Variants in RUNDC3B observed in about 807,000 individuals in gnomAD.
RUNDC3B encodes RUN domain containing 3B.
In RUNDC3B, 33 loss-of-function variants were observed where a neutral mutation model predicts 58.4. The ratio of observed to expected loss-of-function variants is 0.56; its 90% CI spans 0.43 to 0.75. The LOEUF is 0.75. Among genes scored for constraint, RUNDC3B ranks in the 30% least tolerant of loss-of-function variants. The probability of loss-of-function intolerance (pLI) is 0.00; values close to 1 mark genes in which losing one functional copy is unlikely to be tolerated. For synonymous variants in RUNDC3B, 193 were observed against 195.2 expected, an observed-to-expected ratio of 0.99 and a Z score of 0.10; for missense variants, 501 against 535.7, an observed-to-expected ratio of 0.94 and a Z score of 0.64.
intron 6 of RUNDC3B, among the ~76,000 whole-genome samples, chr7:87,756,412 T>C (rs1055970639): frequency 6.6e-6 from 1 of 152,076 alleles, no homozygotes; most frequent in Non-Finnish European, 1.5e-5. Context: ...AATCATTATC[T>C]ATAAAGATGA....
chr7:87,690,982 T>C (rs933347215), intron 2 of RUNDC3B, among the ~76,000 whole-genome samples: 7 of 152,174 alleles, frequency 4.6e-5, no homozygotes, highest in African/African-American at 1.7e-4. Flanking sequence ...GCTAAAGGTT[T>C]ACTTTTTGCA....
At chr7:87,790,110 G>A (rs931467126) in intron 8 of RUNDC3B, among the ~76,000 whole-genome samples, 3 of 152,194 alleles carry the variant, frequency 2.0e-5, no homozygotes, top group Non-Finnish European at 4.4e-5. Context: ...ATGACCTAGT[G>A]CAGTCCCAGT....
chr7:87,823,364 C>G (rs1837600624), intron 10 of RUNDC3B, among the ~76,000 whole-genome samples: 1 of 151,592 alleles, frequency 6.6e-6, no homozygotes, highest in African/African-American at 2.4e-5. Flanking sequence ...CTATGCAAAA[C>G]TATTTTTTTT....
At chr7:87,709,501 G>C in intron 3 of RUNDC3B, 10 of 985,380 alleles carry the variant, frequency 1.0e-5, no homozygotes, top group Non-Finnish European at 1.2e-5. Context: ...AAGGGATGTT[G>C]AGCTTGGTAG....
At position 87,670,046 on chromosome 7, in the gene RUNDC3B, A is replaced by G. The variant is rs80149410; in HGVS notation, c.238+19109A>G. Among the ~76,000 whole-genome samples, 834 of 152,218 alleles carry G rather than the reference A, an allele frequency of 5.5e-3. 2 individuals are homozygous for G. The highest frequency in any genetic ancestry group is 0.01 in the Middle Eastern group (3 of 292). ...CCTCGTTGGGGAAGTTTTCATGGAC[A>G]ATTTCCTGAAATATGTTTTCCAAGT... On this transcript the variant is annotated intron_variant, in intron 2 of 10. Coordinates refer to ENST00000394654, the MANE Select transcript of RUNDC3B (RefSeq NM_001134405.2).
intron 6 of RUNDC3B, among the ~76,000 whole-genome samples, chr7:87,760,043 G>C (rs1833588307): frequency 6.6e-6 from 1 of 151,072 alleles, no homozygotes; most frequent in Non-Finnish European, 1.5e-5. Flanking sequence ...GCAGTTTATA[G>C]TTGGGTTTTG....
At chr7:87,782,557 C>T (rs1375128677) in intron 8 of RUNDC3B, among the ~76,000 whole-genome samples, 5 of 151,930 alleles carry the variant, frequency 3.3e-5, no homozygotes, top group Admixed American at 1.3e-4. Flanking sequence ...CTAGGTGCGA[C>T]GTCAGAGTGT....
intron 8 of RUNDC3B, 70 bp downstream of exon 8, chr7:87,778,025 C>G (rs936421714): frequency 7.5e-7 from 1 of 1,338,446 alleles, no homozygotes; most frequent in African/African-American, 1.5e-5. Context: ...TGTTTTGATA[C>G]AGGAGGCAAA....
intron 4 of RUNDC3B, among the ~76,000 whole-genome samples, chr7:87,713,634 T>C (rs902429807): frequency 6.8e-5 from 10 of 147,128 alleles, no homozygotes; most frequent in African/African-American, 2.3e-4. Context: ...GAATGAAGAT[T>C]AGAATCTAAG....
intron 2 of RUNDC3B, among the ~76,000 whole-genome samples, chr7:87,696,069 A>T (rs1456684824): frequency 1.3e-5 from 2 of 152,138 alleles, no homozygotes; most frequent in East Asian, 3.8e-4. Context: ...TGGGATGGGA[A>T]TATGTTTTTA....
intron 9 of RUNDC3B, among the ~76,000 whole-genome samples, chr7:87,811,112 G>A (rs1193979846): frequency 6.6e-6 from 1 of 151,958 alleles, no homozygotes; most frequent in Non-Finnish European, 1.5e-5. Flanking sequence ...AAATAATCCT[G>A]GTAGGTTATC....
intron 1 of RUNDC3B, among the ~76,000 whole-genome samples, chr7:87,649,782 G>A (rs745478119): frequency 6.6e-6 from 1 of 152,168 alleles, no homozygotes; most frequent in African/African-American, 2.4e-5. Context: ...TCAGTGGTAG[G>A]TAATTGAATC....
At chr7:87,684,238 G>A (rs895624665) in intron 2 of RUNDC3B, among the ~76,000 whole-genome samples, 7 of 152,076 alleles carry the variant, frequency 4.6e-5, no homozygotes, top group East Asian at 1.9e-4. Context: ...TGGAAAACTC[G>A]TTGTTAAGAT....
In RUNDC3B at chr7:87,732,322, A is replaced by G. The variant is rs567996467; in HGVS notation, c.459-7469A>G. Reference sequence around the variant, plus strand: ...AAAAGTAGAAAAACTTGAAAAAACTACTTAATGATATATCTTAAAGAACTA... The same window carrying G: ...AAAAGTAGAAAAACTTGAAAAAACTGCTTAATGATATATCTTAAAGAACTA... On this transcript the variant is annotated intron_variant, in intron 4 of 10. Coordinates refer to ENST00000394654, the MANE Select transcript of RUNDC3B (RefSeq NM_001134405.2). Among the ~76,000 whole-genome samples, 3 of 152,288 alleles carry G rather than the reference A, an allele frequency of 2.0e-5. No homozygotes were observed. In the East Asian group the frequency reaches 5.8e-4, roughly 29 times the overall value.
At chr7:87,728,260 C>T (rs1006244385) in intron 4 of RUNDC3B, among the ~76,000 whole-genome samples, 1 of 152,154 alleles carries the variant, frequency 6.6e-6, no homozygotes, top group East Asian at 1.9e-4. Context: ...CCTTCTTCTG[C>T]AATACCATAG....
Position 87,687,451 on chromosome 7 carries a change from TAA to T in RUNDC3B, c.239-12969_239-12968del, listed in dbSNP as rs1189247989. On this transcript the variant is annotated intron_variant, in intron 2 of 10. Coordinates refer to ENST00000394654, the MANE Select transcript of RUNDC3B (RefSeq NM_001134405.2). ...CTGACCTCTTTCCCCTGAGTTACAT[TAA>T]GTCTTAACTTCTAGCATATTATTTT... Among the ~76,000 whole-genome samples the T allele has an allele frequency of 5.3e-5, 8 of 152,316 alleles. No homozygotes were observed. In the East Asian group the frequency reaches 5.8e-4, roughly 11 times the overall value.
At chr7:87,727,152 C>T (rs1220124412) in intron 4 of RUNDC3B, among the ~76,000 whole-genome samples, 4 of 152,184 alleles carry the variant, frequency 2.6e-5, no homozygotes, top group South Asian at 2.1e-4. Context: ...GAGAGGGCAT[C>T]CCTGTCTTGT....
chr7:87,823,110 C>A lies in RUNDC3B; in HGVS notation c.1226-6775C>A, dbSNP rs190270003. 1.5e-3 allele frequency among the ~76,000 whole-genome samples: 233 copies of A among 152,098 alleles called. 1 individual carries two copies. The highest frequency in any genetic ancestry group is 5.5e-3 in the African/African-American group (230 of 41,522). On this transcript the variant is annotated intron_variant, in intron 10 of 10. Coordinates refer to ENST00000394654, the MANE Select transcript of RUNDC3B (RefSeq NM_001134405.2). ...TAGCTAGCTAAACTACTCTGCCTTTCTTTATTACTATTTTAATTTGTTTAA... is the reference window on the plus strand; with the variant it reads ...TAGCTAGCTAAACTACTCTGCCTTTATTTATTACTATTTTAATTTGTTTAA...
At chr7:87,683,271 A>G (rs1206095583) in intron 2 of RUNDC3B, among the ~76,000 whole-genome samples, 1 of 152,190 alleles carries the variant, frequency 6.6e-6, no homozygotes, top group Non-Finnish European at 1.5e-5. Flanking sequence ...TCATATCAGC[A>G]ATAAGGCTCT....
Sources: gnomAD v4.1 joint callset for allele counts (sites outside exome capture counted in the v4.1 genomes callset) on GRCh38, gnomAD v4.1.1 for gene constraint, MANE v1.5 for transcripts, NCBI Gene and HGNC (gene_info 2026-07-23, HGNC 2026-07-21) for gene names.